ANKS1A: variants seen among roughly 807,000 people sequenced by gnomAD.
ANKS1A encodes the protein ankyrin repeat and sterile alpha motif domain containing 1A.
A neutral mutation model predicts 120.3 loss-of-function variants in ANKS1A; 55 were observed. The observed-to-expected ratio is 0.46, with a 90% CI of 0.37 to 0.57. The LOEUF (loss-of-function observed/expected upper bound fraction) is 0.57. Ranked by LOEUF, ANKS1A falls within the 20% of genes least tolerant of loss-of-function variation. The pLI, the probability that ANKS1A is intolerant of heterozygous loss-of-function variation, is 0.00. For synonymous variants in ANKS1A, 590 were observed against 604.7 expected, an observed-to-expected ratio of 0.98 and a Z score of 0.36; for missense variants, 1,123 against 1,480.3, an observed-to-expected ratio of 0.76 and a Z score of 3.96.
At chr6:34,984,210 G>T (rs1280016904) in intron 7 of ANKS1A, among the ~76,000 whole-genome samples, 1 of 152,176 alleles carries the variant, frequency 6.6e-6, no homozygotes, top group Non-Finnish European at 1.5e-5. Context: ...CCTAACAGTA[G>T]TCAGGATCCA....
Position 35,084,309 on chromosome 6 carries a change from G to A in ANKS1A, c.3132+51G>A. The stretch of plus-strand genomic sequence containing the variant: ...GGGCAGGCTTGGGTTGCAGCCCTGA[G>A]GCGTCCAGCCCCATTGCAGGGCACA... On this transcript the variant is annotated intron_variant, in intron 21 of 23. Transcript: ENST00000360359. The surrounding 1 kb of genome is among the most constrained non-coding windows in gnomAD (Gnocchi z 4.8). 3 of 1,604,062 alleles carry A rather than the reference G, an allele frequency of 1.9e-6. No individual in the cohort carries two copies. Among genetic ancestry groups the A allele is most frequent in the Non-Finnish European group, 1.7e-6 (2 of 1,176,224 alleles).
Position 35,079,916 on chromosome 6 carries a change from C to G in ANKS1A, c.2532C>G (p.Phe844Leu). The part of the protein sequence containing the change: ...YEEPPQKPPR[F>L]SQLRCQDLLS... ...AGCCGCCCCAGAAGCCCCCCAGATT[C>G]TCCCAGCTGAGGGTGAGTCGGGGAG... Residue 844 changes from phenylalanine to leucine, a missense_variant, in exon 16 of 24, where the codon TTC (phenylalanine) becomes TTG (leucine). Phe to Leu is a conservative substitution (Grantham distance 22, BLOSUM62 0). Around this residue, in one of 3 missense-constraint regions of ANKS1A, gnomAD observed 904 missense variants for 1,130.4 expected, o/e 0.80. Transcript: ENST00000360359. The G allele has an allele frequency of 3.2e-6, 5 of 1,557,132 alleles. No individual in the cohort carries two copies. The highest frequency in any genetic ancestry group is 4.3e-6 in the Non-Finnish European group (5 of 1,150,082).
intron 10 of ANKS1A, among the ~76,000 whole-genome samples, chr6:34,997,680 A>C (rs1419436586): frequency 6.6e-6 from 1 of 152,206 alleles, no homozygotes; most frequent in Non-Finnish European, 1.5e-5. Context: ...GAGGAGGGAG[A>C]TTCCAGTTCT....
In ANKS1A at chr6:34,889,336, G is replaced by C. The variant is rs1286630234; in HGVS notation, c.-67G>C. The C allele has an allele frequency of 5.7e-6, 7 of 1,232,108 alleles. No homozygotes were observed. The highest frequency in any genetic ancestry group is 4.3e-5 in the Admixed American group (1 of 23,518). The allele number at this position is 1,232,108 out of a possible 1,614,324, so 76.3% of individuals were successfully genotyped here. On this transcript the variant is annotated 5_prime_UTR_variant, in exon 1 of 24. Transcript: ENST00000360359. This position sits in a 1 kb window ranked among gnomAD's most constrained non-coding sequence, Gnocchi z 5.5. ...GGGGTGCGTTGCCCGGAGACGGAAAGTTTGGGAGCCCGAGCAGGCTCGGCT... is the reference window on the plus strand; with the variant it reads ...GGGGTGCGTTGCCCGGAGACGGAAACTTTGGGAGCCCGAGCAGGCTCGGCT...
chr6:34,992,620 C>T (rs1056331293), intron 9 of ANKS1A, among the ~76,000 whole-genome samples: 1 of 152,182 alleles, frequency 6.6e-6, no homozygotes, highest in African/African-American at 2.4e-5. Context: ...ATTAAGTTGA[C>T]ACAGTGTGAA....
Position 35,081,100 on chromosome 6 carries a change from G to T in ANKS1A, c.2651G>T (p.Arg884Leu), listed in dbSNP as rs765198526. 2 of 1,613,498 alleles carry T rather than the reference G, an allele frequency of 1.2e-6. No individual in the cohort carries two copies. The highest frequency in any genetic ancestry group is 2.2e-5 in the East Asian group (1 of 44,890). ...CCTCCAGGGGACACAGGCAGGAGGC[G>T]CCATGACAGTCTCCATGACCCTGCG... Reference protein sequence around the residue: ...LLPPGDTGRRRHDSLHDPAAP... With the variant: ...LLPPGDTGRRLHDSLHDPAAP... Residue 884 changes from arginine to leucine, a missense_variant, in exon 17 of 24, where the codon CGC becomes CTC. Physicochemically the swap from Arg to Leu is moderately radical, Grantham distance 102 (BLOSUM62 -2). Around this residue, in one of 3 missense-constraint regions of ANKS1A, gnomAD observed 904 missense variants for 1,130.4 expected, o/e 0.80. Transcript: ENST00000360359.
chr6:34,982,682 C>G lies in ANKS1A; in HGVS notation c.733-70C>G. ...TTTGTGTCCCTTCTTGTCTGTGTCC[C>G]CTTTGTCACGTGAAGCCGCACCAAA... On this transcript the variant is annotated intron_variant, in intron 4 of 23. Transcript: ENST00000360359. The surrounding 1 kb of genome is among the most constrained non-coding windows in gnomAD (Gnocchi z 4.9). 6.9e-7 allele frequency: 1 copy of G among 1,454,150 alleles called. No individual in the cohort carries two copies. Among genetic ancestry groups the G allele is most frequent in the Non-Finnish European group, 9.7e-7 (1 of 1,034,518 alleles). 90.1% of individuals were successfully genotyped at this position (1,454,150 alleles called of 1,614,324 possible).
intron 11 of ANKS1A, among the ~76,000 whole-genome samples, chr6:35,038,674 CAG>C (rs1004935876): frequency 2.0e-5 from 3 of 152,114 alleles, no homozygotes; most frequent in African/African-American, 7.2e-5. Flanking sequence ...TTTGTAGAGA[CAG>C]GGTCTCGCTG....
Position 35,082,556 on chromosome 6 carries a change from C to T in ANKS1A, c.2710-135C>T, listed in dbSNP as rs927116508. ...GTGTGTTTGAATTGCTGGTCTGCCC[C>T]CTGCCATCTCCACTCGACCCTTGAA... On this transcript the variant is annotated intron_variant, in intron 17 of 23. Coordinates refer to ENST00000360359, the MANE Select transcript of ANKS1A (RefSeq NM_015245.3). This position sits in a 1 kb window ranked among gnomAD's most constrained non-coding sequence, Gnocchi z 4.1. 2.6e-5 allele frequency: 30 copies of T among 1,149,582 alleles called. No individual in the cohort carries two copies. Among genetic ancestry groups the T allele is most frequent in the Middle Eastern group, 6.0e-4 (2 of 3,326 alleles). The allele number at this position is 1,149,582 out of a possible 1,614,324, so 71.2% of individuals were successfully genotyped here.
At chr6:35,040,203 G>C (rs961653684) in intron 11 of ANKS1A, among the ~76,000 whole-genome samples, 4 of 152,240 alleles carry the variant, frequency 2.6e-5, no homozygotes, top group Non-Finnish European at 4.4e-5. Flanking sequence ...TCTTGGCAGA[G>C]AGGCAACAAG....
At chr6:34,974,557 G>GT (rs1342833545) in intron 3 of ANKS1A, among the ~76,000 whole-genome samples, 1 of 151,608 alleles carries the variant, frequency 6.6e-6, no homozygotes, top group African/African-American at 2.4e-5. Context: ...TAGTTTTTTT[G>GT]TTTTTTGTTT....
intron 9 of ANKS1A, 85 bp from the exon 10 acceptor site, chr6:34,994,217 A>G: frequency 1.3e-6 from 2 of 1,516,736 alleles, no homozygotes; most frequent in Non-Finnish European, 8.9e-7. Flanking sequence ...ATGAAAAAAG[A>G]GCCAATAATC....
chr6:34,994,713 G>A (rs986690009), intron 10 of ANKS1A, among the ~76,000 whole-genome samples: 1 of 152,216 alleles, frequency 6.6e-6, no homozygotes, highest in Non-Finnish European at 1.5e-5. Context: ...GGCAGAGATT[G>A]ATTTGGGGTC....
rs137867260 is a variant in ANKS1A, at chr6:35,017,626, G to A, written c.1577G>A (p.Ser526Asn). 9 of 1,613,684 alleles carry A rather than the reference G, an allele frequency of 5.6e-6. No individual in the cohort carries two copies. Among genetic ancestry groups the A allele is most frequent in the African/African-American group, 1.3e-5 (1 of 74,898 alleles). ...PFQLLCTAGQ[S>N]HPDGSPQQGA... ...CAGCTGCTCTGTACCGCTGGCCAGAGCCATCCAGACGGGTCCCCCCAGCAG... is the reference window on the plus strand; with the variant it reads ...CAGCTGCTCTGTACCGCTGGCCAGAACCATCCAGACGGGTCCCCCCAGCAG... Residue 526 changes from serine (S) to asparagine (N), a missense_variant, in exon 11 of 24, where the codon AGC (serine) becomes AAC (asparagine). Coordinates refer to ENST00000360359, the MANE Select transcript of ANKS1A (RefSeq NM_015245.3).
Position 35,067,885 on chromosome 6 carries a change from AATTTT to A in ANKS1A, c.2184+7633_2184+7637del, listed in dbSNP as rs375286111. Among the ~76,000 whole-genome samples the A allele has an allele frequency of 7.7e-4, 89 of 115,874 alleles. 3 individuals are homozygous for A. Among genetic ancestry groups the A allele is most frequent in the Admixed American group, 1.3e-3 (13 of 10,016 alleles). The allele number at this position is 115,874 out of a possible 152,430, so 76.0% of individuals were successfully genotyped here. ...ACATTTTTCTTTGTACTTCATTTTC[AATTTT>A]TTTTTTTTTTTTTTTTTGAGACGGA... On this transcript the variant is annotated intron_variant, in intron 13 of 23. Transcript: ENST00000360359.
intron 11 of ANKS1A, chr6:35,023,673 G>T: frequency 2.4e-6 from 1 of 418,800 alleles, no homozygotes; most frequent in Non-Finnish European, 4.7e-6. Flanking sequence ...TGTTGGATCA[G>T]GCTCTAAAGG....
At chr6:35,072,322 A>G (rs1561956179) in intron 13 of ANKS1A, among the ~76,000 whole-genome samples, 1 of 152,214 alleles carries the variant, frequency 6.6e-6, no homozygotes, top group Non-Finnish European at 1.5e-5. Context: ...CCATGCTTTC[A>G]GCTACCTTCT....
Position 35,017,504 on chromosome 6 carries a change from G to A in ANKS1A, c.1455G>A (p.Gln485=), listed in dbSNP as rs372124098. 7 of 1,613,258 alleles carry A rather than the reference G, an allele frequency of 4.3e-6. No individual in the cohort carries two copies. In the African/African-American group the frequency reaches 6.7e-5, roughly 15 times the overall value. Residue 485 remains glutamine, a synonymous_variant, in exon 11 of 24, where the codon CAG becomes CAA. Coordinates refer to ENST00000360359, the MANE Select transcript of ANKS1A (RefSeq NM_015245.3). The part of the protein sequence containing the change: ...DHRRSSSSRS[Q]DSAEGQDGQV... The stretch of plus-strand genomic sequence containing the variant: ...GGCGGAGCAGCAGCAGCCGGAGCCA[G>A]GACTCTGCGGAGGGGCAGGACGGGC...
chr6:35,012,306 A>G (rs1306678172), intron 10 of ANKS1A, among the ~76,000 whole-genome samples: 1 of 152,184 alleles, frequency 6.6e-6, no homozygotes, highest in Non-Finnish European at 1.5e-5. Context: ...CTCTCAGTCT[A>G]TTTGTCTTAT....
Sources: gnomAD v4.1 joint callset for allele counts (sites outside exome capture counted in the v4.1 genomes callset) on GRCh38, gnomAD v4.1.1 for gene constraint, gnomAD v4.1.1 regional missense constraint, Gnocchi (gnomAD v3.1) non-coding constraint, MANE v1.5 for transcripts, NCBI Gene and HGNC (gene_info 2026-07-23, HGNC 2026-07-21) for gene names.